The following ENTREP2 variants were observed in gnomAD, a reference collection of about 807,000 sequenced individuals.
ENTREP2 encodes endosomal transmembrane epsin interactor 2, also known as protein ENTREP2.
At chr15:29,148,530 C>G in the ENTREP2 span, among the ~76,000 whole-genome samples, 144 of 152,270 alleles carry the variant, frequency 9.5e-4, no homozygotes, top group African/African-American at 3.2e-3. Flanking sequence ...ACTTCTAACA[C>G]CTAATACAAT....
At chr15:29,496,131 GCTTA>G in the ENTREP2 span, among the ~76,000 whole-genome samples, 1 of 151,610 alleles carries the variant, frequency 6.6e-6, no homozygotes, top group African/African-American at 2.4e-5. Context: ...CCTTATTTAA[GCTTA>G]TTTATGTTAT....
the ENTREP2 span, among the ~76,000 whole-genome samples, chr15:29,589,655 G>A: frequency 1.3e-5 from 2 of 152,184 alleles, no homozygotes; most frequent in African/African-American, 4.8e-5. Flanking sequence ...AACATAGACT[G>A]CCTGCCCCGC....
chr15:29,480,359 A>AC, the ENTREP2 span, among the ~76,000 whole-genome samples: 1 of 147,458 alleles, frequency 6.8e-6, no homozygotes, highest in African/African-American at 2.6e-5. Context: ...AAAAAAAAAA[A>AC]AAAAAAACCC....
chr15:29,520,171 A>G, the ENTREP2 span, among the ~76,000 whole-genome samples: 1 of 152,200 alleles, frequency 6.6e-6, no homozygotes, highest in African/African-American at 2.4e-5. Context: ...TGAAGGGCCA[A>G]ATGTGCATTA....
chr15:29,598,564 G>GAT, the ENTREP2 span, among the ~76,000 whole-genome samples: 1 of 152,088 alleles, frequency 6.6e-6, no homozygotes, highest in Non-Finnish European at 1.5e-5. Context: ...TCATTGCACT[G>GAT]GTAAGATATT....
At chr15:29,663,983 G>A in the ENTREP2 span, among the ~76,000 whole-genome samples, 5 of 150,638 alleles carry the variant, frequency 3.3e-5, no homozygotes, top group South Asian at 2.1e-4. Context: ...AGCCGAGATC[G>A]CGCCATTGCA....
the ENTREP2 span, among the ~76,000 whole-genome samples, chr15:29,150,571 A>G: frequency 6.6e-6 from 1 of 152,162 alleles, no homozygotes; most frequent in Non-Finnish European, 1.5e-5. Context: ...GCCCCGATGA[A>G]CAAGGGCAGA....
chr15:29,266,328 AAAAAC>A, the ENTREP2 span: 6 of 152,232 alleles, frequency 3.9e-5, no homozygotes, highest in Admixed American at 2.6e-4. Flanking sequence ...ATTGGTAAAC[AAAAAC>A]AAAACAAAAC....
chr15:29,244,565 C>A, the ENTREP2 span, among the ~76,000 whole-genome samples: 224 of 152,312 alleles, frequency 1.5e-3, 1 homozygote, highest in African/African-American at 5.0e-3. Flanking sequence ...ATATGGAAGG[C>A]TGTGGTCATC....
chr15:29,642,293 T>C, the ENTREP2 span, among the ~76,000 whole-genome samples: 5 of 151,974 alleles, frequency 3.3e-5, no homozygotes, highest in South Asian at 2.1e-4. Flanking sequence ...GATAGATATA[T>C]AGATCAGTGG....
the ENTREP2 span, among the ~76,000 whole-genome samples, chr15:29,347,754 T>C: frequency 4.6e-5 from 7 of 152,304 alleles, no homozygotes; most frequent in African/African-American, 1.7e-4. Context: ...CGTCAGCACC[T>C]AGAAGGGCTC....
At chr15:29,621,588 C>CAAAAAA in the ENTREP2 span, among the ~76,000 whole-genome samples, 2 of 58,850 alleles carry the variant, frequency 3.4e-5, no homozygotes, top group East Asian at 5.2e-4. Flanking sequence ...TGGCCACTAT[C>CAAAAAA]AAAAAAAAAA....
the ENTREP2 span, among the ~76,000 whole-genome samples, chr15:29,313,283 A>G: frequency 6.6e-6 from 1 of 152,248 alleles, no homozygotes; most frequent in Non-Finnish European, 1.5e-5. Context: ...ATGAAACAAC[A>G]GATTTTCAGT....
the ENTREP2 span, among the ~76,000 whole-genome samples, chr15:29,379,387 A>G: frequency 2.6e-5 from 4 of 152,118 alleles, no homozygotes; most frequent in Non-Finnish European, 5.9e-5. Flanking sequence ...TCCAGCAATT[A>G]GTGTCACCCT....
the ENTREP2 span, among the ~76,000 whole-genome samples, chr15:29,441,766 T>G: frequency 6.6e-6 from 1 of 151,804 alleles, no homozygotes; most frequent in African/African-American, 2.4e-5. Flanking sequence ...CACCAGTTTT[T>G]TCTTGGTTTC....
the ENTREP2 span, among the ~76,000 whole-genome samples, chr15:29,230,441 G>A: frequency 6.6e-6 from 1 of 152,012 alleles, no homozygotes; most frequent in Admixed American, 6.6e-5. Flanking sequence ...GGAAATTATA[G>A]TAAATGAAAA....
the ENTREP2 span, among the ~76,000 whole-genome samples, chr15:29,517,675 A>G: frequency 6.6e-6 from 1 of 152,138 alleles, no homozygotes; most frequent in African/African-American, 2.4e-5. Flanking sequence ...TTGGACACAC[A>G]TCCTCCCTTT....
At chr15:29,420,238 G>A in the ENTREP2 span, among the ~76,000 whole-genome samples, 74 of 152,312 alleles carry the variant, frequency 4.9e-4, no homozygotes, top group African/African-American at 1.4e-3. Context: ...ATGCTGAAAG[G>A]AAGCAGTAAC....
chr15:29,448,811 T>G, the ENTREP2 span, among the ~76,000 whole-genome samples: 1 of 152,212 alleles, frequency 6.6e-6, no homozygotes, highest in South Asian at 2.1e-4. Flanking sequence ...CATCCTGTTT[T>G]CTAAATATCT....
Sources: gnomAD v4.1 joint callset for allele counts (sites outside exome capture counted in the v4.1 genomes callset) on GRCh38, gnomAD v4.1.1 for gene constraint, MANE v1.5 for transcripts, NCBI Gene and HGNC (gene_info 2026-07-23, HGNC 2026-07-21) for gene names.